Variants in PPP1R3A observed in about 807,000 individuals in gnomAD.
PPP1R3A encodes RG1.
In PPP1R3A, 29 loss-of-function variants were observed where a neutral mutation model predicts 41.7. That is an observed-to-expected ratio of 0.70 (90% CI 0.52 to 0.95). The LOEUF (loss-of-function observed/expected upper bound fraction) is 0.95, where lower values mean the gene tolerates loss of function less well. PPP1R3A is among the 40% of genes least tolerant of loss of function. The pLI is 0.00. For missense variants in PPP1R3A, 1,352 were observed against 1,292.4 expected (o/e 1.05, Z -0.71); for synonymous variants, 485 against 453.4 (o/e 1.07, Z -0.89).
At chr7:113,889,670 A>G (rs1232849260) in intron 1 of PPP1R3A, among the ~76,000 whole-genome samples, 3 of 152,300 alleles carry the variant, frequency 2.0e-5, no homozygotes, top group East Asian at 1.9e-4. Flanking sequence ...TCTAGTAGAC[A>G]TTAAATAAAT....
At chr7:113,913,654 G>A (rs1797289824) in intron 1 of PPP1R3A, among the ~76,000 whole-genome samples, 1 of 152,010 alleles carries the variant, frequency 6.6e-6, no homozygotes, top group Non-Finnish European at 1.5e-5. Flanking sequence ...CTCAACCGGT[G>A]TACCCAGCCA....
intron 1 of PPP1R3A, among the ~76,000 whole-genome samples, chr7:113,882,605 T>C (rs1013025425): frequency 6.6e-6 from 1 of 151,914 alleles, no homozygotes; most frequent in African/African-American, 2.4e-5. Flanking sequence ...TTAAAACTTA[T>C]ATAACCAAAG....
intron 3 of PPP1R3A, among the ~76,000 whole-genome samples, chr7:113,881,287 T>C (rs2129113788): frequency 6.6e-6 from 1 of 152,152 alleles, no homozygotes; most frequent in African/African-American, 2.4e-5. Flanking sequence ...GAGACAAATG[T>C]CATTTTAATC....
chr7:113,896,638 C>T (rs1181066532), intron 1 of PPP1R3A, among the ~76,000 whole-genome samples: 3 of 151,146 alleles, frequency 2.0e-5, no homozygotes, highest in South Asian at 2.1e-4. Flanking sequence ...AATGGAATAC[C>T]GAAAAAGAGA....
At chr7:113,894,940 G>T (rs10231419) in intron 1 of PPP1R3A, among the ~76,000 whole-genome samples, 94,245 of 151,736 alleles carry the variant, frequency 0.62, 29,871 homozygotes, top group South Asian at 0.75. Context: ...TTTGGAGAAG[G>T]AATGAATACA....
intron 1 of PPP1R3A, among the ~76,000 whole-genome samples, chr7:113,903,119 T>G (rs112267181): frequency 2.6e-5 from 4 of 151,918 alleles, no homozygotes; most frequent in African/African-American, 9.6e-5. Context: ...AGTAGAGTAG[T>G]TCCTATATAT....
chr7:113,913,124 G>T (rs1797279216), intron 1 of PPP1R3A, among the ~76,000 whole-genome samples: 1 of 152,012 alleles, frequency 6.6e-6, no homozygotes, highest in Non-Finnish European at 1.5e-5. Flanking sequence ...CTTGCCAGAG[G>T]TCCCTCCTTA....
intron 1 of PPP1R3A, among the ~76,000 whole-genome samples, chr7:113,911,432 G>T (rs1363440747): frequency 6.6e-6 from 1 of 152,038 alleles, no homozygotes; most frequent in Non-Finnish European, 1.5e-5. Context: ...ATTTGATGTT[G>T]CATAATGTAT....
At chr7:113,916,580 T>A (rs1472789493) in intron 1 of PPP1R3A, among the ~76,000 whole-genome samples, 1 of 152,066 alleles carries the variant, frequency 6.6e-6, no homozygotes, top group Non-Finnish European at 1.5e-5. Context: ...AAAAATCCGC[T>A]GAGTTCAACA....
intron 1 of PPP1R3A, among the ~76,000 whole-genome samples, chr7:113,886,547 G>A (rs1796787950): frequency 6.6e-6 from 1 of 152,094 alleles, no homozygotes; most frequent in Non-Finnish European, 1.5e-5. Context: ...TCAGCAAAAT[G>A]AAAATAGACT....
At chr7:113,889,314 A>T (rs1028046583) in intron 1 of PPP1R3A, among the ~76,000 whole-genome samples, 7 of 152,174 alleles carry the variant, frequency 4.6e-5, no homozygotes, top group Non-Finnish European at 8.8e-5. Context: ...TACTATTTAC[A>T]TAACTCTTAA....
At chr7:113,883,062 T>A (rs1481742626) in intron 1 of PPP1R3A, among the ~76,000 whole-genome samples, 1 of 152,056 alleles carries the variant, frequency 6.6e-6, no homozygotes, top group Admixed American at 6.6e-5. Context: ...AAATACCTTT[T>A]TCCTTCAAAT....
chr7:113,914,594 G>C (rs1213605862), intron 1 of PPP1R3A, among the ~76,000 whole-genome samples: 2 of 152,138 alleles, frequency 1.3e-5, no homozygotes, highest in Admixed American at 6.6e-5. Context: ...AAGAGGAGAA[G>C]AACTTTGGTG....
intron 1 of PPP1R3A, among the ~76,000 whole-genome samples, chr7:113,895,921 C>T (rs191140607): frequency 6.6e-6 from 1 of 151,858 alleles, no homozygotes; most frequent in Admixed American, 6.6e-5. Context: ...CAATTCTTCA[C>T]AATAGTATTA....
chr7:113,879,070 C>T lies in PPP1R3A; in HGVS notation c.2022G>A (p.Glu674=). The T allele has an allele frequency of 6.2e-7, 1 of 1,613,724 alleles. No homozygotes were observed. The highest frequency in any genetic ancestry group is 8.5e-7 in the Non-Finnish European group (1 of 1,179,772). ...CACAATCTGTTTGTCCTTTGATATGCTCTGTTATGTTTGTCTTATTCTCTC... is the reference window on the plus strand; with the variant it reads ...CACAATCTGTTTGTCCTTTGATATGTTCTGTTATGTTTGTCTTATTCTCTC... ...KSRENKTNIT[E]HIKGQTDCED... The change falls in exon 4 of 4, where the codon GAG becomes GAA. Residue 674 remains glutamate, a synonymous_variant. Coordinates refer to ENST00000284601, the MANE Select transcript of PPP1R3A (RefSeq NM_002711.4).
intron 1 of PPP1R3A, among the ~76,000 whole-genome samples, chr7:113,897,279 T>A (rs946152472): frequency 4.1e-4 from 62 of 151,922 alleles, no homozygotes; most frequent in African/African-American, 1.4e-3. Context: ...TTAATTTGTA[T>A]AATTTTTAAG....
intron 1 of PPP1R3A, among the ~76,000 whole-genome samples, chr7:113,914,760 A>G (rs1395572742): frequency 6.6e-6 from 1 of 152,144 alleles, no homozygotes; most frequent in Non-Finnish European, 1.5e-5. Context: ...CCTATGAGAT[A>G]GAGCTGTAGT....
At chr7:113,900,756 C>T (rs1196639796) in intron 1 of PPP1R3A, among the ~76,000 whole-genome samples, 1 of 147,786 alleles carries the variant, frequency 6.8e-6, no homozygotes, top group Non-Finnish European at 1.5e-5. Flanking sequence ...TATACACTTA[C>T]ATAAGTATAT....
At chr7:113,880,201 T>G (rs8192686) in intron 3 of PPP1R3A, 76 bp from the exon 4 acceptor site, 49 of 1,297,050 alleles carry the variant, frequency 3.8e-5, no homozygotes, top group Non-Finnish European at 4.6e-5. Context: ...ATAGGTTTTA[T>G]TAACTCGGCT....
Sources: gnomAD v4.1 joint callset for allele counts (sites outside exome capture counted in the v4.1 genomes callset) on GRCh38, gnomAD v4.1.1 for gene constraint, MANE v1.5 for transcripts, NCBI Gene and HGNC (gene_info 2026-07-23, HGNC 2026-07-21) for gene names.